WDR7: variants seen among roughly 807,000 people sequenced by gnomAD.
The protein encoded by WDR7 is WD repeat-containing protein 7.
In WDR7, 46 loss-of-function variants were observed where a neutral mutation model predicts 169.4. The ratio of observed to expected loss-of-function variants is 0.27; its 90% CI spans 0.21 to 0.35. The LOEUF is 0.35. Ranked by LOEUF, WDR7 falls within the 10% of genes least tolerant of loss-of-function variation. The pLI is 1.00. For missense variants in WDR7, 1,534 were observed against 1,859.3 expected (o/e 0.83, Z 3.22); for synonymous variants, 612 against 666.8 (o/e 0.92, Z 1.27).
intron 21 of WDR7, among the ~76,000 whole-genome samples, chr18:56,908,727 A>G (rs1000229660): frequency 3.3e-5 from 5 of 152,200 alleles, no homozygotes; most frequent in Admixed American, 2.6e-4. Flanking sequence ...GTGAAATACT[A>G]CATGTAAACA....
At chr18:56,796,103 A>G (rs757478593) in intron 19 of WDR7, among the ~76,000 whole-genome samples, 19 of 152,246 alleles carry the variant, frequency 1.2e-4, no homozygotes, top group Non-Finnish European at 2.5e-4. Flanking sequence ...AACCGAAATC[A>G]TAGATTATTG....
chr18:56,756,963 A>G lies in WDR7; in HGVS notation c.2370A>G (p.Leu790=), dbSNP rs1373797402. 3.1e-6 allele frequency: 5 copies of G among 1,614,156 alleles called. No homozygotes were observed. The highest frequency in any genetic ancestry group is 1.3e-5 in the African/African-American group (1 of 75,034). Residue 790 remains leucine (L), a synonymous_variant, in exon 15 of 28, where the codon CTA becomes CTG. Transcript: ENST00000254442. ...CCAGCAAATCAAAGCCATTGACCCTATTAGAATATAATTTAACTATGGACA... is the reference window on the plus strand; with the variant it reads ...CCAGCAAATCAAAGCCATTGACCCTGTTAGAATATAATTTAACTATGGACA... ...YRSSKSKPLT[L]LEYNLTMDTA... is the part of the protein sequence containing the mutation.
At chr18:56,939,623 A>T (rs1338910599) in intron 25 of WDR7, among the ~76,000 whole-genome samples, 1 of 152,152 alleles carries the variant, frequency 6.6e-6, no homozygotes, top group African/African-American at 2.4e-5. Context: ...CTTAGAAAAA[A>T]TGAGTAAGAG....
rs117783382 is a variant in WDR7 at position 56,765,179 on chromosome 18, T to C, written c.2848+6226T>C. Among the ~76,000 whole-genome samples the C allele has an allele frequency of 7.4e-4, 113 of 152,216 alleles. 1 individual carries two copies. In the East Asian group the frequency reaches 0.019, roughly 25 times the overall value. On this transcript the variant is annotated intron_variant, in intron 16 of 27. Coordinates refer to ENST00000254442, the MANE Select transcript of WDR7 (RefSeq NM_015285.3). ...TGTGGGCAGCATATAGTGGGTCTTA[T>C]TTTTTAATCCAATCTGACCTGCTTT... is the stretch of plus-strand genomic sequence containing the variant.
At chr18:56,867,127 C>T (rs566018768) in intron 20 of WDR7, among the ~76,000 whole-genome samples, 3 of 152,076 alleles carry the variant, frequency 2.0e-5, no homozygotes, top group East Asian at 1.9e-4. Context: ...TGGGCTCAAG[C>T]GATTCTCCCA....
intron 21 of WDR7, among the ~76,000 whole-genome samples, chr18:56,880,423 A>G (rs994443213): frequency 2.0e-5 from 3 of 152,230 alleles, no homozygotes; most frequent in African/African-American, 7.2e-5. Flanking sequence ...ATTGTTCGTC[A>G]AGATTTTAGC....
chr18:56,691,191 T>C (rs767547905), intron 7 of WDR7, 25 bp from the exon 8 acceptor site: 4 of 1,598,296 alleles, frequency 2.5e-6, no homozygotes, highest in East Asian at 2.3e-5. Flanking sequence ...ATGGAGTAGA[T>C]TGTGAATTTC....
chr18:57,026,474 G>A (rs886548723), intron 27 of WDR7, among the ~76,000 whole-genome samples: 1 of 152,218 alleles, frequency 6.6e-6, no homozygotes, highest in South Asian at 2.1e-4. Context: ...CAAGTGAAGA[G>A]TGAAGGTATT....
At chr18:56,806,511 A>G (rs1200428009) in intron 19 of WDR7, among the ~76,000 whole-genome samples, 1 of 152,132 alleles carries the variant, frequency 6.6e-6, no homozygotes, top group Admixed American at 6.5e-5. Context: ...TGGGGAGGGT[A>G]GAGGTCTCCC....
rs1278305126 is a variant in WDR7 at position 57,020,816 on chromosome 18, C to T, written c.4236C>T (p.Tyr1412=). 1.2e-6 allele frequency: 2 copies of T among 1,614,210 alleles called. No homozygotes were observed. The highest frequency in any genetic ancestry group is 1.7e-5 in the Admixed American group (1 of 60,028). The change falls in exon 27 of 28, where the codon TAC becomes TAT. Residue 1412 remains tyrosine (Y), a synonymous_variant. Coordinates refer to ENST00000254442, the MANE Select transcript of WDR7 (RefSeq NM_015285.3). ...FAPDGRYLAT[Y]SNTDSHISFW... ...CTGATGGAAGATATCTTGCCACCTA[C>T]TCAAACACTGACAGCCACATTTCTT...
intron 13 of WDR7, among the ~76,000 whole-genome samples, chr18:56,729,429 C>G (rs1284826203): frequency 2.0e-5 from 3 of 152,046 alleles, no homozygotes; most frequent in African/African-American, 7.2e-5. Flanking sequence ...TAGTGTACAT[C>G]TATTGAGAGT....
chr18:56,894,686 T>C (rs931906618), intron 21 of WDR7, among the ~76,000 whole-genome samples: 19 of 152,142 alleles, frequency 1.2e-4, no homozygotes, highest in African/African-American at 4.3e-4. Context: ...TGAATCTTTG[T>C]CTATTTTGTT....
intron 19 of WDR7, among the ~76,000 whole-genome samples, chr18:56,784,657 TACAGTTA>T (rs2044368353): frequency 6.6e-6 from 1 of 152,254 alleles, no homozygotes; most frequent in Non-Finnish European, 1.5e-5. Flanking sequence ...GCAGCCGTGT[TACAGTTA>T]ACGACAACAA....
intron 26 of WDR7, among the ~76,000 whole-genome samples, chr18:57,005,899 C>A (rs2048051111): frequency 6.6e-6 from 1 of 152,164 alleles, no homozygotes; most frequent in Non-Finnish European, 1.5e-5. Flanking sequence ...GCATGTGGCC[C>A]ATAGACCACA....
At chr18:56,927,736 C>T (rs2046827015) in intron 22 of WDR7, among the ~76,000 whole-genome samples, 1 of 152,054 alleles carries the variant, frequency 6.6e-6, no homozygotes, top group Admixed American at 6.5e-5. Flanking sequence ...GATATTTTGC[C>T]AAATTTTAAC....
At chr18:56,832,804 G>A (rs2045335893) in intron 20 of WDR7, among the ~76,000 whole-genome samples, 1 of 152,020 alleles carries the variant, frequency 6.6e-6, no homozygotes, top group Admixed American at 6.6e-5. Context: ...TCAACAAAAA[G>A]AACACCCACA....
chr18:57,035,882 A>G, the WDR7 span: 1 of 152,242 alleles, frequency 6.6e-6, no homozygotes, highest in East Asian at 1.9e-4. Context: ...GAAATCGAAA[A>G]TGGATCACAG....
chr18:56,865,177 C>A (rs2145422463), intron 20 of WDR7, among the ~76,000 whole-genome samples: 1 of 152,074 alleles, frequency 6.6e-6, no homozygotes, highest in East Asian at 1.9e-4. Flanking sequence ...GGATGCTGAA[C>A]AAGTTTAGGT....
intron 26 of WDR7, among the ~76,000 whole-genome samples, chr18:57,016,278 T>G (rs1265354868): frequency 6.6e-6 from 1 of 152,170 alleles, no homozygotes; most frequent in Non-Finnish European, 1.5e-5. Context: ...TTTTCCAGTT[T>G]ATGTTACTAA....
Sources: allele counts gnomAD v4.1 joint callset (sites outside exome capture counted in the v4.1 genomes callset), GRCh38; gene constraint gnomAD v4.1.1; transcripts MANE v1.5; gene names NCBI Gene and HGNC (gene_info 2026-07-23, HGNC 2026-07-21).